ST6GALNAC3: variants seen among roughly 807,000 people sequenced by gnomAD.
The protein encoded by ST6GALNAC3 is ST6 N-acetylgalactosaminide alpha-2,6-sialyltransferase 3, also known as alpha-N-acetylgalactosaminide alpha-2,6-sialyltransferase 3.
Under a neutral mutation model 32.7 loss-of-function variants are expected in ST6GALNAC3, and 25 were observed. The ratio of observed to expected loss-of-function variants is 0.76; its 90% CI spans 0.56 to 1.07. ST6GALNAC3 has a LOEUF of 1.07. Among genes scored for constraint, ST6GALNAC3 ranks in the 50% least tolerant of loss-of-function variants. The pLI is 0.00. For missense variants in ST6GALNAC3, 355 were observed against 382.4 expected, an observed-to-expected ratio of 0.93 and a Z score of 0.60; for synonymous variants, 129 against 133.1, an observed-to-expected ratio of 0.97 and a Z score of 0.21.
intron 2 of ST6GALNAC3, among the ~76,000 whole-genome samples, chr1:76,321,181 C>T (rs1376595271): frequency 6.6e-6 from 1 of 151,994 alleles, no homozygotes; most frequent in African/African-American, 2.4e-5. Flanking sequence ...ATTCTGAAGC[C>T]TTCTCAAATT....
rs370925762 is a variant in ST6GALNAC3 at position 76,514,536 on chromosome 1, G to C, written c.623+102119G>C. 1.5e-4 allele frequency among the ~76,000 whole-genome samples: 23 copies of C among 152,182 alleles called. No individual in the cohort carries two copies. In the South Asian group the frequency reaches 2.7e-3, roughly 18 times the overall value. ...AGTGAGTTCTCACTCTCTCAGGAGT[G>C]GACTGGTTCTTGCAGAAATGGATAA... On this transcript the variant is annotated intron_variant, in intron 3 of 4. Transcript: ENST00000328299.
intron 3 of ST6GALNAC3, among the ~76,000 whole-genome samples, chr1:76,428,374 A>C (rs960293753): frequency 6.6e-6 from 1 of 152,128 alleles, no homozygotes; most frequent in Non-Finnish European, 1.5e-5. Context: ...TTGGGGACTT[A>C]AGGTCACAAA....
In ST6GALNAC3 at chr1:76,628,657, G is replaced by C; in HGVS notation, c.769G>C (p.Glu257Gln). The C allele has an allele frequency of 2.5e-6, 4 of 1,610,976 alleles. No individual in the cohort carries two copies. The highest frequency in any genetic ancestry group is 3.4e-6 in the Non-Finnish European group (4 of 1,178,722). ...GYRKVPYHYY[E>Q]QGRDECDEYF... Reference sequence around the variant, plus strand: ...TAGAAAAGTCCCCTACCATTATTATGAACAAGGAAGAGATGAGTGTGATGA... The same window carrying C: ...TAGAAAAGTCCCCTACCATTATTATCAACAAGGAAGAGATGAGTGTGATGA... Residue 257 changes from glutamate to glutamine, a missense_variant, in exon 5 of 5, where the codon GAA becomes CAA. Transcript: ENST00000328299.
At chr1:76,284,431 CA>C (rs1557752931) in intron 1 of ST6GALNAC3, among the ~76,000 whole-genome samples, 1 of 152,108 alleles carries the variant, frequency 6.6e-6, no homozygotes, top group Admixed American at 6.5e-5. Flanking sequence ...TATGAATGAA[CA>C]GGTGGAATTT....
intron 2 of ST6GALNAC3, among the ~76,000 whole-genome samples, chr1:76,329,908 A>G (rs1163368287): frequency 6.6e-6 from 1 of 151,994 alleles, no homozygotes; most frequent in Non-Finnish European, 1.5e-5. Flanking sequence ...TCCCAGGTTC[A>G]GGTGATTCTC....
At chr1:76,176,848 T>C (rs1652887426) in intron 1 of ST6GALNAC3, among the ~76,000 whole-genome samples, 1 of 152,204 alleles carries the variant, frequency 6.6e-6, no homozygotes, top group Non-Finnish European at 1.5e-5. Context: ...AAAAGAGTTC[T>C]GGAGGTAGAT....
intron 1 of ST6GALNAC3, among the ~76,000 whole-genome samples, chr1:76,091,141 C>T (rs1486538844): frequency 2.0e-5 from 3 of 152,180 alleles, no homozygotes; most frequent in Non-Finnish European, 4.4e-5. Flanking sequence ...GCACTGGCCC[C>T]AGACCATATT....
chr1:76,544,621 G>T (rs1443245523), intron 3 of ST6GALNAC3, among the ~76,000 whole-genome samples: 1 of 152,172 alleles, frequency 6.6e-6, no homozygotes, highest in African/African-American at 2.4e-5. Flanking sequence ...ACCAAGAAAG[G>T]AGCAGGTTAG....
intron 3 of ST6GALNAC3, among the ~76,000 whole-genome samples, chr1:76,539,769 T>A (rs1191505348): frequency 1.3e-5 from 2 of 152,082 alleles, no homozygotes; most frequent in Non-Finnish European, 2.9e-5. Context: ...TCCACATCAA[T>A]GATCATCAGA....
intron 2 of ST6GALNAC3, among the ~76,000 whole-genome samples, chr1:76,394,313 TTGAGA>T (rs1252484375): frequency 6.6e-6 from 1 of 152,150 alleles, no homozygotes; most frequent in Non-Finnish European, 1.5e-5. Context: ...CCTTAAGTCT[TTGAGA>T]TGAGATGAAA....
At chr1:76,456,881 A>G (rs1289524525) in intron 3 of ST6GALNAC3, among the ~76,000 whole-genome samples, 3 of 152,176 alleles carry the variant, frequency 2.0e-5, no homozygotes, top group South Asian at 2.1e-4. Flanking sequence ...GGAAATAAAG[A>G]GTATTCAATT....
intron 3 of ST6GALNAC3, among the ~76,000 whole-genome samples, chr1:76,485,022 G>A (rs370084805): frequency 9.2e-5 from 14 of 152,206 alleles, no homozygotes; most frequent in East Asian, 3.9e-4. Context: ...GCTGGATTAC[G>A]TTTATTGATT....
chr1:76,103,986 CT>C, intron 1 of ST6GALNAC3, among the ~76,000 whole-genome samples: 1 of 152,218 alleles, frequency 6.6e-6, no homozygotes, highest in South Asian at 2.1e-4. Context: ...GTGGACATAT[CT>C]TTTTTGGGGC....
Position 76,397,846 on chromosome 1 carries a change from G to A in ST6GALNAC3, c.214-14162G>A, listed in dbSNP as rs544380548. Among the ~76,000 whole-genome samples the A allele has an allele frequency of 2.0e-5, 3 of 152,128 alleles. No homozygotes were observed. The South Asian group carries it at 6.2e-4, about 32-fold the overall frequency. The stretch of plus-strand genomic sequence containing the variant: ...ACTGTTGGCGATTTTCTGTATCCAT[G>A]TTGTGGCTGGTTACCATTTTTAATT... On this transcript the variant is annotated intron_variant, in intron 2 of 4. Coordinates refer to ENST00000328299, the MANE Select transcript of ST6GALNAC3 (RefSeq NM_152996.4).
chr1:76,122,680 A>G (rs569205183), intron 1 of ST6GALNAC3, among the ~76,000 whole-genome samples: 78 of 152,262 alleles, frequency 5.1e-4, no homozygotes, highest in Non-Finnish European at 7.1e-4. Flanking sequence ...TTTTTGGGTA[A>G]GTTTAATATG....
chr1:76,154,026 G>T (rs1050141633), intron 1 of ST6GALNAC3, among the ~76,000 whole-genome samples: 2 of 152,164 alleles, frequency 1.3e-5, no homozygotes, highest in Non-Finnish European at 2.9e-5. Flanking sequence ...CTTTTTCCGT[G>T]ATGAGAATGA....
At chr1:76,618,958 A>T (rs1648466273) in intron 3 of ST6GALNAC3, among the ~76,000 whole-genome samples, 1 of 152,160 alleles carries the variant, frequency 6.6e-6, no homozygotes, top group Non-Finnish European at 1.5e-5. Context: ...AGGTTGCGAG[A>T]AAATCTGTGG....
chr1:76,233,552 T>C (rs926593350), intron 1 of ST6GALNAC3, among the ~76,000 whole-genome samples: 1 of 152,138 alleles, frequency 6.6e-6, no homozygotes, highest in African/African-American at 2.4e-5. Flanking sequence ...GGTTGGACAG[T>C]TTTTAAAGCA....
Position 76,628,865 on chromosome 1 carries a change from T to A in ST6GALNAC3, c.*59T>A. 6.3e-7 allele frequency: 1 copy of A among 1,588,470 alleles called. No individual in the cohort carries two copies. Among genetic ancestry groups the A allele is most frequent in the Non-Finnish European group, 8.5e-7 (1 of 1,172,444 alleles). On this transcript the variant is annotated 3_prime_UTR_variant, in exon 5 of 5. Transcript: ENST00000328299. ...TGTGATCCCCATACTGCAACTGTGA[T>A]GCTGATGATGCTAATGGAGATGATG...
Sources: gnomAD v4.1 joint callset for allele counts (sites outside exome capture counted in the v4.1 genomes callset) on GRCh38, gnomAD v4.1.1 for gene constraint, MANE v1.5 for transcripts, NCBI Gene and HGNC (gene_info 2026-07-23, HGNC 2026-07-21) for gene names.